RYR2: variants seen among roughly 807,000 people sequenced by gnomAD.
The protein encoded by RYR2 is ryanodine receptor 2.
In RYR2, 227 loss-of-function variants were observed where a neutral mutation model predicts 601.1. The ratio of observed to expected loss-of-function variants is 0.38; its 90% CI spans 0.34 to 0.42. The LOEUF (loss-of-function observed/expected upper bound fraction) is 0.42, where lower values mean the gene tolerates loss of function less well. RYR2 is among the 10% of genes least tolerant of loss of function. RYR2 has a pLI of 1.00. For synonymous variants in RYR2, 2,223 were observed against 2,175.1 expected, an observed-to-expected ratio of 1.02 and a Z score of -0.61; for missense variants, 4,646 against 6,156.5, an observed-to-expected ratio of 0.75 and a Z score of 8.21.
rs181641389 is a variant in RYR2 at position 237,440,035 on chromosome 1, A to G, written c.1006-1284A>G. On this transcript the variant is annotated intron_variant, in intron 12 of 104. Transcript: ENST00000366574. ...TAGAATAGTGTTTCAGGTTATTTGC[A>G]TAATGATTGAATCAACTTAATTGAT... Among the ~76,000 whole-genome samples the G allele has an allele frequency of 4.6e-3, 708 of 152,318 alleles. 11 individuals are homozygous for G. Among genetic ancestry groups the G allele is most frequent in the African/African-American group, 0.016 (674 of 41,574 alleles).
chr1:237,252,749 A>G (rs12133002), intron 1 of RYR2, among the ~76,000 whole-genome samples: 81,645 of 152,072 alleles, frequency 0.54, 22,299 homozygotes, highest in East Asian at 0.83. Context: ...CAGAGAGGAA[A>G]AACATTGCAA....
intron 96 of RYR2, among the ~76,000 whole-genome samples, chr1:237,796,177 G>C (rs560693217): frequency 2.5e-3 from 373 of 152,036 alleles, no homozygotes; most frequent in African/African-American, 8.4e-3. Context: ...CAAAAGCTGT[G>C]AAAGAATAAT....
At chr1:237,402,450 G>A (rs1185831695) in intron 10 of RYR2, among the ~76,000 whole-genome samples, 3 of 151,332 alleles carry the variant, frequency 2.0e-5, no homozygotes, top group East Asian at 1.9e-4. Context: ...ATTAAAAGAT[G>A]CAACAATTTA....
rs141718974 is a variant in RYR2, at chr1:237,243,876, A to T, written c.49-26621A>T. ...ATATTTATCATAACATTATAACACA[A>T]TGTGGCAAGAAGGTCACCAGCCGCT... On this transcript the variant is annotated intron_variant, in intron 1 of 104. Transcript: ENST00000366574. 8.6e-4 allele frequency among the ~76,000 whole-genome samples: 131 copies of T among 152,320 alleles called. 1 individual carries two copies. Among genetic ancestry groups the T allele is most frequent in the African/African-American group, 3.1e-3 (130 of 41,586 alleles).
chr1:237,595,392 A>T, intron 33 of RYR2, 106 bp from the exon 34 acceptor site: 1 of 1,334,870 alleles, frequency 7.5e-7, no homozygotes, highest in Non-Finnish European at 1.0e-6. Flanking sequence ...CCATTACAGC[A>T]TGAGCTTGTT....
intron 1 of RYR2, among the ~76,000 whole-genome samples, chr1:237,157,504 A>AATG (rs1415098392): frequency 6.6e-6 from 1 of 152,158 alleles, no homozygotes; most frequent in Non-Finnish European, 1.5e-5. Context: ...TCAATGGATA[A>AATG]ATGGATAAAG....
At chr1:237,189,884 T>TTA (rs1371994391) in intron 1 of RYR2, among the ~76,000 whole-genome samples, 6 of 151,256 alleles carry the variant, frequency 4.0e-5, no homozygotes, top group African/African-American at 9.7e-5. Context: ...TTTTTATTTT[T>TTA]TTTTTTGAGA....
chr1:237,431,883 G>T (rs1442977455), intron 12 of RYR2, among the ~76,000 whole-genome samples: 1 of 152,058 alleles, frequency 6.6e-6, no homozygotes, highest in African/African-American at 2.4e-5. Flanking sequence ...AAGCAGCAGG[G>T]TATGAAACTT....
At chr1:237,115,119 G>A (rs754062189) in intron 1 of RYR2, among the ~76,000 whole-genome samples, 8 of 152,116 alleles carry the variant, frequency 5.3e-5, no homozygotes, top group Non-Finnish European at 1.0e-4. Context: ...GCTATCTGTC[G>A]GTACCTTTGC....
At chr1:237,555,091 C>A (rs1670755104) in intron 27 of RYR2, 1 of 151,998 alleles carries the variant, frequency 6.6e-6, no homozygotes, top group South Asian at 2.1e-4. Context: ...CTATGGCATC[C>A]TATGGAGAAC....
chr1:237,816,693 GA>G (rs35910763), intron 100 of RYR2, among the ~76,000 whole-genome samples: 1,530 of 144,654 alleles, frequency 0.011, 10 homozygotes, highest in Non-Finnish European at 0.017. Context: ...TATGTAGAAA[GA>G]AAAAAAAAAA....
chr1:237,224,260 G>T (rs1684123260), intron 1 of RYR2, among the ~76,000 whole-genome samples: 1 of 152,064 alleles, frequency 6.6e-6, no homozygotes, highest in African/African-American at 2.4e-5. Flanking sequence ...AATAAGGATG[G>T]TATATCATGA....
chr1:237,655,707 A>G (rs1202264035), intron 52 of RYR2, 114 bp from the exon 53 acceptor site: 7 of 877,464 alleles, frequency 8.0e-6, no homozygotes, highest in Non-Finnish European at 1.0e-5. Flanking sequence ...CAGAGAGTTC[A>G]GTTAGTCCAG....
At chr1:237,143,965 C>T (rs1230101433) in intron 1 of RYR2, among the ~76,000 whole-genome samples, 2 of 152,010 alleles carry the variant, frequency 1.3e-5, no homozygotes, top group Non-Finnish European at 2.9e-5. Context: ...CCCATTTCTA[C>T]TAAAAATACA....
At chr1:237,511,913 T>C (rs1424316526) in intron 24 of RYR2, 122 bp downstream of exon 24, 1 of 638,602 alleles carries the variant, frequency 1.6e-6, no homozygotes. Flanking sequence ...TAATTCCAGC[T>C]AGAACTTTTT....
chr1:237,679,902 G>A (rs1685716926), intron 61 of RYR2, among the ~76,000 whole-genome samples: 1 of 152,154 alleles, frequency 6.6e-6, no homozygotes, highest in Non-Finnish European at 1.5e-5. Flanking sequence ...GTGAGGAGGA[G>A]GAATTGGCCC....
intron 1 of RYR2, among the ~76,000 whole-genome samples, chr1:237,065,669 T>G (rs1435957655): frequency 6.6e-6 from 1 of 152,196 alleles, no homozygotes; most frequent in Non-Finnish European, 1.5e-5. Flanking sequence ...TCCATCTCTG[T>G]AATTTTGTCA....
At chr1:237,414,271 C>T (rs1041581400) in intron 10 of RYR2, among the ~76,000 whole-genome samples, 1 of 152,116 alleles carries the variant, frequency 6.6e-6, no homozygotes, top group Admixed American at 6.6e-5. Context: ...GTACATTGGA[C>T]TTTTTAAAGC....
chr1:237,517,381 G>A (rs369086167), intron 24 of RYR2, among the ~76,000 whole-genome samples: 2 of 152,034 alleles, frequency 1.3e-5, no homozygotes, highest in South Asian at 2.1e-4. Flanking sequence ...TTTAATATTT[G>A]CCTTTCCTTC....
Sources: allele counts gnomAD v4.1 joint callset (sites outside exome capture counted in the v4.1 genomes callset), GRCh38; gene constraint gnomAD v4.1.1; transcripts MANE v1.5; gene names NCBI Gene and HGNC (gene_info 2026-07-23, HGNC 2026-07-21).